TRAPPC13: variants seen among roughly 807,000 people sequenced by gnomAD.
TRAPPC13 encodes the protein REV7-interacting novel NHEJ regulator 1.
A neutral mutation model predicts 54.0 loss-of-function variants in TRAPPC13; 39 were observed. The ratio of observed to expected loss-of-function variants is 0.72; its 90% confidence interval spans 0.56 to 0.94. The LOEUF (loss-of-function observed/expected upper bound fraction) is 0.94, where lower values mean the gene tolerates loss of function less well. Ranked by LOEUF, TRAPPC13 falls within the 40% of genes least tolerant of loss-of-function variation. The pLI is 0.00. For synonymous variants in TRAPPC13, 148 were observed against 167.7 expected (o/e 0.88, Z 0.91); for missense variants, 386 against 488.1 (o/e 0.79, Z 1.97).
intron 6 of TRAPPC13, among the ~76,000 whole-genome samples, chr5:65,651,841 A>AGTTTT: frequency 1.0e-5 from 1 of 98,326 alleles, no homozygotes; most frequent in African/African-American, 4.0e-5. Context: ...AACGTGATTC[A>AGTTTT]GTTTTTTTTT....
intron 4 of TRAPPC13, among the ~76,000 whole-genome samples, chr5:65,640,052 G>A (rs1755905648): frequency 6.6e-6 from 1 of 152,186 alleles, no homozygotes; most frequent in Non-Finnish European, 1.5e-5. Flanking sequence ...GCAAATTTGT[G>A]CATACACGTA....
chr5:65,625,745 A>G (rs1415995287), intron 1 of TRAPPC13, among the ~76,000 whole-genome samples: 1 of 151,768 alleles, frequency 6.6e-6, no homozygotes, highest in African/African-American at 2.4e-5. Context: ...TTTAATGCCT[A>G]TTTTCTGGAA....
Position 65,647,137 on chromosome 5 carries a change from T to C in TRAPPC13, c.383T>C (p.Ile128Thr). ...AVAELKPDCC[I>T]DDVIHHEVKE... Reference sequence around the variant, plus strand: ...GCTGAACTTAAACCGGATTGTTGTATTGATGATGTCATACATCATGAAGTC... The same window carrying C: ...GCTGAACTTAAACCGGATTGTTGTACTGATGATGTCATACATCATGAAGTC... Residue 128 changes from isoleucine (I) to threonine (T), a missense_variant, in exon 5 of 13, where the codon ATT becomes ACT. Ile to Thr is a moderately conservative substitution (Grantham distance 89, BLOSUM62 -1). Transcript: ENST00000399438. 3 of 1,579,496 alleles carry C rather than the reference T, an allele frequency of 1.9e-6. No homozygotes were observed. Among genetic ancestry groups the C allele is most frequent in the Non-Finnish European group, 8.6e-7 (1 of 1,160,750 alleles).
Position 65,650,869 on chromosome 5 carries a change from T to G in TRAPPC13, c.488T>G (p.Phe163Cys). 1 of 1,612,246 alleles carries G rather than the reference T, an allele frequency of 6.2e-7. No homozygotes were observed. The highest frequency in any genetic ancestry group is 8.5e-7 in the Non-Finnish European group (1 of 1,178,636). ...QAGEKMYFRK[F>C]FKFQVLKPLD... ...GGAGAAAAAATGTATTTCAGAAAAT[T>G]CTTCAAATTTCAGGTATTGAATATG... is the stretch of plus-strand genomic sequence containing the variant. Residue 163 changes from phenylalanine (F) to cysteine (C), a missense_variant, in exon 6 of 13, where the codon TTC becomes TGC. Physicochemically the swap from Phe to Cys is radical, Grantham distance 205. Coordinates refer to ENST00000399438, the MANE Select transcript of TRAPPC13 (RefSeq NM_024941.4).
chr5:65,641,145 G>C (rs775928389), intron 4 of TRAPPC13, among the ~76,000 whole-genome samples: 2 of 151,950 alleles, frequency 1.3e-5, no homozygotes, highest in African/African-American at 4.8e-5. Context: ...TGTTGCTCAA[G>C]CAGGTCTTGA....
At chr5:65,649,050 T>C (rs1394032012) in intron 5 of TRAPPC13, among the ~76,000 whole-genome samples, 1 of 151,950 alleles carries the variant, frequency 6.6e-6, no homozygotes, top group Non-Finnish European at 1.5e-5. Flanking sequence ...ATCCCATCTT[T>C]ACAAAAAATA....
intron 3 of TRAPPC13, among the ~76,000 whole-genome samples, chr5:65,636,777 A>G (rs1484153142): frequency 6.6e-6 from 1 of 152,206 alleles, no homozygotes; most frequent in African/African-American, 2.4e-5. Flanking sequence ...TAGATTAATA[A>G]TAAGGTAGAA....
chr5:65,661,016 T>TA, intron 10 of TRAPPC13, 119 bp downstream of exon 10: 5 of 745,266 alleles, frequency 6.7e-6, no homozygotes, highest in Non-Finnish European at 6.4e-6. Context: ...GCATTACTAC[T>TA]ACTGGAGCAG....
At chr5:65,633,292 T>G (rs973099273) in intron 1 of TRAPPC13, among the ~76,000 whole-genome samples, 1 of 152,252 alleles carries the variant, frequency 6.6e-6, no homozygotes, top group African/African-American at 2.4e-5. Context: ...GGAATTTTTT[T>G]TTTTTTGAGG....
intron 4 of TRAPPC13, among the ~76,000 whole-genome samples, chr5:65,641,485 C>A (rs1755961454): frequency 1.3e-5 from 2 of 152,176 alleles, no homozygotes; most frequent in East Asian, 3.9e-4. Context: ...AGGAGGAGCC[C>A]TTGAATCCAG....
At chr5:65,631,396 C>G (rs1307726901) in intron 1 of TRAPPC13, among the ~76,000 whole-genome samples, 1 of 151,982 alleles carries the variant, frequency 6.6e-6, no homozygotes, top group African/African-American at 2.4e-5. Flanking sequence ...ATTTTAGGTT[C>G]AAGGGGTACA....
At chr5:65,642,321 TA>T (rs113409762) in intron 4 of TRAPPC13, among the ~76,000 whole-genome samples, 11,447 of 145,262 alleles carry the variant, frequency 0.079, 410 homozygotes, top group East Asian at 0.1. Flanking sequence ...AGACTCCATC[TA>T]AAAAAAAAAA....
intron 7 of TRAPPC13, among the ~76,000 whole-genome samples, chr5:65,654,920 T>C (rs1756595811): frequency 6.6e-6 from 1 of 152,196 alleles, no homozygotes; most frequent in African/African-American, 2.4e-5. Flanking sequence ...GAGACTGACA[T>C]GATGCAACTA....
chr5:65,664,381 G>C lies in TRAPPC13; in HGVS notation c.1143G>C (p.Leu381=). The C allele has an allele frequency of 6.2e-7, 1 of 1,609,190 alleles. No individual in the cohort carries two copies. The highest frequency in any genetic ancestry group is 8.5e-7 in the Non-Finnish European group (1 of 1,178,280). Residue 381 remains leucine, a synonymous_variant, in exon 12 of 13, where the codon CTG becomes CTC. Coordinates refer to ENST00000399438, the MANE Select transcript of TRAPPC13 (RefSeq NM_024941.4). The part of the protein sequence containing the change: ...ALTLLSSVQG[L]QSISGLRLTD... ...CTCTGCTTTCTTCAGTACAGGGACTGCAAGTATGCTGTCTTTTCAAAAATT... is the reference window on the plus strand; with the variant it reads ...CTCTGCTTTCTTCAGTACAGGGACTCCAAGTATGCTGTCTTTTCAAAAATT...
chr5:65,629,996 C>A (rs1050386532), intron 1 of TRAPPC13: 4 of 1,535,846 alleles, frequency 2.6e-6, no homozygotes, highest in East Asian at 2.4e-5. Flanking sequence ...TATTTCCCTT[C>A]CCAGCAATAA....
chr5:65,656,767 A>G (rs1756667150), intron 8 of TRAPPC13, among the ~76,000 whole-genome samples: 1 of 152,006 alleles, frequency 6.6e-6, no homozygotes, highest in Non-Finnish European at 1.5e-5. Flanking sequence ...TTAGCCAGGC[A>G]TGGTGGCACT....
intron 5 of TRAPPC13, among the ~76,000 whole-genome samples, chr5:65,649,341 T>G (rs1756335581): frequency 6.6e-6 from 1 of 152,242 alleles, no homozygotes; most frequent in Non-Finnish European, 1.5e-5. Context: ...GATGAACACC[T>G]TAATGTTTCC....
chr5:65,659,586 A>T (rs1307821061), intron 9 of TRAPPC13, among the ~76,000 whole-genome samples: 1 of 152,232 alleles, frequency 6.6e-6, no homozygotes, highest in African/African-American at 2.4e-5. Flanking sequence ...AGAAAAGGAC[A>T]TAGGAATAGA....
intron 1 of TRAPPC13, among the ~76,000 whole-genome samples, chr5:65,631,494 C>T (rs1468399476): frequency 6.6e-6 from 1 of 152,078 alleles, no homozygotes. Context: ...GGATAATACC[C>T]AATAGGTAGT....
Sources: gnomAD v4.1 joint callset for allele counts (sites outside exome capture counted in the v4.1 genomes callset) on GRCh38, gnomAD v4.1.1 for gene constraint, MANE v1.5 for transcripts, NCBI Gene and HGNC (gene_info 2026-07-23, HGNC 2026-07-21) for gene names.